The following TRPM8 variants were observed in gnomAD, a reference collection of about 807,000 sequenced individuals.
TRPM8 encodes TRPM8 cationic channel.
Under a neutral mutation model 133.7 loss-of-function variants are expected in TRPM8, and 110 were observed. That is an observed-to-expected ratio of 0.82 (90% CI 0.70 to 0.96). The LOEUF (loss-of-function observed/expected upper bound fraction) is 0.96, where lower values mean the gene tolerates loss of function less well. Ranked by LOEUF, TRPM8 falls within the 40% of genes least tolerant of loss-of-function variation. TRPM8 has a pLI of 0.00. For synonymous variants in TRPM8, 535 were observed against 532.3 expected, an observed-to-expected ratio of 1.01 and a Z score of -0.07; for missense variants, 1,291 against 1,379.5, an observed-to-expected ratio of 0.94 and a Z score of 1.02.
chr2:234,014,710 T>A (rs2125417103), intron 25 of TRPM8, 56 bp downstream of exon 25: 2 of 624,818 alleles, frequency 3.2e-6, no homozygotes, highest in Middle Eastern at 4.4e-4. Flanking sequence ...CTTTTAAGAC[T>A]AATTTAAGAT....
rs1439880378 is a variant in TRPM8, at chr2:234,018,090, C to T, written c.*834C>T. 6.6e-6 allele frequency: 1 copy of T among 152,086 alleles called. No homozygotes were observed. Among genetic ancestry groups the T allele is most frequent in the African/African-American group, 2.4e-5 (1 of 41,426 alleles). 9.4% of individuals were successfully genotyped at this position (152,086 alleles called of 1,614,324 possible). The stretch of plus-strand genomic sequence containing the variant: ...CCCCATTACCTTAAGGTAATCACTG[C>T]TAACAATTTCTGGATGGTTTTTCAA... On this transcript the variant is annotated 3_prime_UTR_variant, in exon 26 of 26. Transcript: ENST00000324695.
intron 8 of TRPM8, among the ~76,000 whole-genome samples, chr2:233,949,745 A>G (rs949493060): frequency 3.3e-5 from 5 of 152,232 alleles, no homozygotes; most frequent in African/African-American, 1.2e-4. Flanking sequence ...TGTGGGGACA[A>G]GATTTCATAA....
chr2:233,951,886 C>G (rs1318164599), intron 9 of TRPM8, among the ~76,000 whole-genome samples: 1 of 152,136 alleles, frequency 6.6e-6, no homozygotes, highest in East Asian at 1.9e-4. Flanking sequence ...AGACAACCTT[C>G]CAGGGCAGTC....
chr2:233,961,221 G>A (rs938374090), intron 12 of TRPM8, among the ~76,000 whole-genome samples, 155 bp downstream of exon 12: 8 of 152,102 alleles, frequency 5.3e-5, no homozygotes, highest in Non-Finnish European at 7.3e-5. Flanking sequence ...TTAAGATAAG[G>A]TGTCTGTCTA....
intron 8 of TRPM8, among the ~76,000 whole-genome samples, chr2:233,948,923 A>C (rs1281717303): frequency 6.6e-6 from 1 of 152,214 alleles, no homozygotes; most frequent in African/African-American, 2.4e-5. Flanking sequence ...AATCCCAACT[A>C]TTCAGGAGGC....
intron 7 of TRPM8, 185 bp downstream of exon 7, chr2:233,946,215 A>C: frequency 1.7e-6 from 1 of 602,166 alleles, no homozygotes; most frequent in Non-Finnish European, 2.9e-6. Context: ...TGCCAGGGTC[A>C]ATGTGGTATG....
At chr2:233,955,708 A>G (rs1401083375) in intron 11 of TRPM8, among the ~76,000 whole-genome samples, 4 of 152,322 alleles carry the variant, frequency 2.6e-5, no homozygotes, top group East Asian at 1.9e-4. Context: ...GAGATACATA[A>G]GAGACAAATA....
intron 11 of TRPM8, among the ~76,000 whole-genome samples, chr2:233,959,234 G>A (rs765992593): frequency 4.0e-5 from 6 of 151,884 alleles, no homozygotes; most frequent in Non-Finnish European, 8.8e-5. Flanking sequence ...CCATGTTGAC[G>A]AGGCTGGTCT....
intron 17 of TRPM8, 90 bp from the exon 18 acceptor site, chr2:233,980,098 C>A (rs1003384663): frequency 3.4e-6 from 3 of 888,950 alleles, no homozygotes; most frequent in African/African-American, 3.4e-5. Context: ...CAAAAAGGAC[C>A]TGGAAGAAAA....
intron 8 of TRPM8, 107 bp downstream of exon 8, chr2:233,947,262 C>T: frequency 6.4e-7 from 1 of 1,561,232 alleles, no homozygotes; most frequent in South Asian, 1.2e-5. Context: ...GATTTTACTG[C>T]AGCAAGTAGG....
In TRPM8 at chr2:233,983,114, C is replaced by T; in HGVS notation, c.2651C>T (p.Ala884Val). ...GTGTGGATGGTGGCCTTTGGCGTGG[C>T]CAGGCAAGGGATCCTTAGGCAGAAT... is the stretch of plus-strand genomic sequence containing the variant. The part of the protein sequence containing the change: ...FAVWMVAFGV[A>V]RQGILRQNEQ... Residue 884 changes from alanine (A) to valine (V), a missense_variant, in exon 20 of 26, where the codon GCC becomes GTC. By Grantham distance (64) the Ala-to-Val change is moderately conservative. Transcript: ENST00000324695. The T allele has an allele frequency of 1.2e-6, 2 of 1,614,134 alleles. No individual in the cohort carries two copies. Among genetic ancestry groups the T allele is most frequent in the African/African-American group, 1.3e-5 (1 of 75,028 alleles).
At chr2:234,010,538 T>C (rs1400727587) in intron 24 of TRPM8, among the ~76,000 whole-genome samples, 1 of 151,860 alleles carries the variant, frequency 6.6e-6, no homozygotes, top group Non-Finnish European at 1.5e-5. Flanking sequence ...TGTATTTTTG[T>C]TTTTTTTGAG....
rs141433710 is a variant in TRPM8 at position 234,006,914 on chromosome 2, T to A, written c.3192T>A (p.Leu1064=). ...AWEGVMKENY[L]VKINTKANDT... is the part of the protein sequence containing the mutation. ...AGGGTGTCATGAAGGAAAACTACCT[T>A]GTCAAGATCAACACAAAAGCCAACG... is the stretch of plus-strand genomic sequence containing the variant. Residue 1064 remains leucine (L), a synonymous_variant, in exon 23 of 26, where the codon CTT becomes CTA. Coordinates refer to ENST00000324695, the MANE Select transcript of TRPM8 (RefSeq NM_024080.5). 3.1e-6 allele frequency: 5 copies of A among 1,613,970 alleles called. No individual in the cohort carries two copies. The highest frequency in any genetic ancestry group is 4.2e-6 in the Non-Finnish European group (5 of 1,179,946).
chr2:233,987,582 C>T (rs1488000325), intron 21 of TRPM8, among the ~76,000 whole-genome samples: 1 of 152,188 alleles, frequency 6.6e-6, no homozygotes, highest in Admixed American at 6.5e-5. Flanking sequence ...GCCATCTGGT[C>T]TCCCAGTGTC....
chr2:233,997,192 T>A (rs1019691434), intron 22 of TRPM8, among the ~76,000 whole-genome samples: 2 of 152,082 alleles, frequency 1.3e-5, no homozygotes, highest in Non-Finnish European at 2.9e-5. Context: ...GAGAATTGCT[T>A]GAACCCAGGA....
intron 19 of TRPM8, 35 bp from the exon 20 acceptor site, chr2:233,983,018 G>A (rs200781961): frequency 6.3e-7 from 1 of 1,590,982 alleles, no homozygotes; most frequent in Non-Finnish European, 8.6e-7. Flanking sequence ...CTGTGGGCAC[G>A]GTCCTGACTC....
chr2:233,941,115 AGTT>A (rs1252711766), intron 5 of TRPM8, among the ~76,000 whole-genome samples: 1 of 152,230 alleles, frequency 6.6e-6, no homozygotes, highest in Admixed American at 6.5e-5. Context: ...GCAGCTCCCT[AGTT>A]CCTGAAAAAC....
intron 1 of TRPM8, among the ~76,000 whole-genome samples, chr2:233,924,522 C>T (rs1448536458): frequency 6.6e-6 from 1 of 152,118 alleles, no homozygotes; most frequent in African/African-American, 2.4e-5. Flanking sequence ...AACAAACCTG[C>T]AGTACTGGGA....
chr2:233,949,698 TAAGC>T (rs1279572659), intron 8 of TRPM8, among the ~76,000 whole-genome samples: 2 of 152,244 alleles, frequency 1.3e-5, no homozygotes. Flanking sequence ...ATAGAAAACT[TAAGC>T]TAGTCATAAT....
Sources: allele counts gnomAD v4.1 joint callset (sites outside exome capture counted in the v4.1 genomes callset), GRCh38; gene constraint gnomAD v4.1.1; transcripts MANE v1.5; gene names NCBI Gene and HGNC (gene_info 2026-07-23, HGNC 2026-07-21).